IL1RAPL1: variants seen among roughly 807,000 people sequenced by gnomAD.
IL1RAPL1 encodes the protein interleukin-1 receptor accessory protein-like 1.
In IL1RAPL1, 3 loss-of-function variants were observed where a neutral mutation model predicts 48.4. The observed-to-expected ratio is 0.06, with a 90% CI of 0.03 to 0.16. The LOEUF (loss-of-function observed/expected upper bound fraction) is 0.16, where lower values mean the gene tolerates loss of function less well. Ranked by LOEUF, IL1RAPL1 falls within the 10% of genes least tolerant of loss-of-function variation. IL1RAPL1 has a pLI of 1.00. For synonymous variants in IL1RAPL1, 185 were observed against 187.7 expected, an observed-to-expected ratio of 0.99 and a Z score of 0.12; for missense variants, 349 against 530.6, an observed-to-expected ratio of 0.66 and a Z score of 3.36.
At chrX:29,453,651 T>C (rs752113327) in intron 5 of IL1RAPL1, among the ~76,000 whole-genome samples, 4 of 111,510 alleles carry the variant, frequency 3.6e-5, no homozygotes, top group Admixed American at 9.5e-5. Context: ...TTTAGAAAAT[T>C]TTTTTTATTA....
intron 5 of IL1RAPL1, among the ~76,000 whole-genome samples, chrX:29,437,537 G>A (rs755259363): frequency 5.8e-4 from 64 of 110,516 alleles, no homozygotes; most frequent in Non-Finnish European, 8.8e-4. Context: ...CCATTAAATA[G>A]CATCTTAGCT....
chrX:29,478,137 A>G (rs1934998155), intron 5 of IL1RAPL1, among the ~76,000 whole-genome samples: 2 of 112,304 alleles, frequency 1.8e-5, no homozygotes, highest in Non-Finnish European at 3.8e-5. Context: ...TCTGCTTGGT[A>G]TCTCCACAGG....
intron 2 of IL1RAPL1, among the ~76,000 whole-genome samples, chrX:28,969,866 T>TATATATGTTTCTAAACACAC (rs1569210398): frequency 1.1e-4 from 8 of 71,512 alleles, no homozygotes; most frequent in African/African-American, 2.5e-4. Flanking sequence ...TCTAAACACA[T>TATATATGTTTCTAAACACAC]ATATATATGT....
chrX:29,604,013 G>T (rs1923808532), intron 5 of IL1RAPL1, among the ~76,000 whole-genome samples: 1 of 112,244 alleles, frequency 8.9e-6, no homozygotes, highest in Non-Finnish European at 1.9e-5. Flanking sequence ...GAAATAACCA[G>T]TAAGCCTCCA....
At chrX:29,233,490 G>C (rs1931237390) in intron 2 of IL1RAPL1, among the ~76,000 whole-genome samples, 1 of 111,201 alleles carries the variant, frequency 9.0e-6, no homozygotes, top group Non-Finnish European at 1.9e-5. Context: ...CCAGTTTCCT[G>C]TTGGTTCTAC....
chrX:29,789,281 GA>G (rs1456876220), intron 6 of IL1RAPL1, among the ~76,000 whole-genome samples: 2 of 111,708 alleles, frequency 1.8e-5, no homozygotes, highest in Non-Finnish European at 3.8e-5. Flanking sequence ...ATCTCATGAG[GA>G]ATTGCTGAAG....
At chrX:28,600,370 G>A (rs994792573) in intron 1 of IL1RAPL1, among the ~76,000 whole-genome samples, 2 of 110,261 alleles carry the variant, frequency 1.8e-5, no homozygotes, top group South Asian at 7.9e-4. Flanking sequence ...TAATGAGCAC[G>A]TTCTATGTGT....
At chrX:29,533,573 T>G (rs181977424) in intron 5 of IL1RAPL1, among the ~76,000 whole-genome samples, 1 of 112,155 alleles carries the variant, frequency 8.9e-6, no homozygotes, top group Admixed American at 9.4e-5. Context: ...TTGCACACTT[T>G]TTATGTGGAC....
intron 5 of IL1RAPL1, among the ~76,000 whole-genome samples, chrX:29,567,052 GATA>G (rs1341805381): frequency 1.8e-5 from 2 of 111,418 alleles, no homozygotes; most frequent in Non-Finnish European, 3.8e-5. Flanking sequence ...TATTTGAATT[GATA>G]ATGTCAAATA....
chrX:29,201,817 G>A (rs955326047), intron 2 of IL1RAPL1, among the ~76,000 whole-genome samples: 5 of 110,131 alleles, frequency 4.5e-5, no homozygotes, highest in East Asian at 5.7e-4. Flanking sequence ...TCAGCCTCCC[G>A]AGTAGCTGGG....
chrX:29,021,686 C>A (rs997155139), intron 2 of IL1RAPL1, among the ~76,000 whole-genome samples: 1 of 111,627 alleles, frequency 9.0e-6, no homozygotes, highest in Non-Finnish European at 1.9e-5. Context: ...CCCTTTTCTC[C>A]GTTATTTTAA....
intron 3 of IL1RAPL1, among the ~76,000 whole-genome samples, chrX:29,381,814 C>CAA (rs1213630768): frequency 1.8e-3 from 60 of 33,369 alleles, no homozygotes; most frequent in Non-Finnish European, 2.8e-3. Flanking sequence ...AGACTGTTGC[C>CAA]AAAAAAAAAA....
At chrX:29,089,127 A>G (rs1262829126) in intron 2 of IL1RAPL1, among the ~76,000 whole-genome samples, 1 of 111,449 alleles carries the variant, frequency 9.0e-6, no homozygotes, top group Non-Finnish European at 1.9e-5. Flanking sequence ...ATTCTGCATG[A>G]GGGAGACAGC....
chrX:29,108,084 T>C (rs1221058689), intron 2 of IL1RAPL1, among the ~76,000 whole-genome samples: 6 of 112,161 alleles, frequency 5.3e-5, no homozygotes, highest in South Asian at 3.7e-4. Flanking sequence ...TCCCTTTTTA[T>C]TCTGTTTTGG....
intron 1 of IL1RAPL1, among the ~76,000 whole-genome samples, chrX:28,783,251 A>G (rs1176642901): frequency 8.9e-6 from 1 of 112,147 alleles, no homozygotes; most frequent in Non-Finnish European, 1.9e-5. Context: ...TCGGGACAAT[A>G]TTTAAATAAG....
chrX:28,992,138 T>G (rs1174697048), intron 2 of IL1RAPL1, among the ~76,000 whole-genome samples: 1 of 112,030 alleles, frequency 8.9e-6, no homozygotes, highest in African/African-American at 3.2e-5. Context: ...TGACTCTCAA[T>G]TCAATAATTT....
intron 5 of IL1RAPL1, among the ~76,000 whole-genome samples, chrX:29,432,988 G>T (rs760301300): frequency 2.1e-4 from 23 of 110,122 alleles, no homozygotes; most frequent in Non-Finnish European, 3.8e-4. Context: ...AATCATTACT[G>T]CCCCGCTAAG....
chrX:29,245,948 C>T (rs1931503915), intron 2 of IL1RAPL1, among the ~76,000 whole-genome samples: 1 of 110,897 alleles, frequency 9.0e-6, no homozygotes, highest in Non-Finnish European at 1.9e-5. Flanking sequence ...ACAAAAACAC[C>T]TTCATATACA....
chrX:28,706,373 A>G (rs1299448337), intron 1 of IL1RAPL1, among the ~76,000 whole-genome samples: 1 of 111,286 alleles, frequency 9.0e-6, no homozygotes, highest in African/African-American at 3.3e-5. Context: ...AAATTGTCTA[A>G]GGACATACAT....
Sources: allele counts gnomAD v4.1 joint callset (sites outside exome capture counted in the v4.1 genomes callset), GRCh38; gene constraint gnomAD v4.1.1; transcripts MANE v1.5; gene names NCBI Gene and HGNC (gene_info 2026-07-23, HGNC 2026-07-21).